Variants in GPC5 observed in about 807,000 individuals in gnomAD.
GPC5 encodes the protein glypican-5.
Under a neutral mutation model 53.9 loss-of-function variants are expected in GPC5, and 47 were observed. That is an observed-to-expected ratio of 0.87 (90% CI 0.69 to 1.11). GPC5 has a LOEUF of 1.11. GPC5 is among the 50% of genes most tolerant of loss of function. The pLI is 0.00. For synonymous variants in GPC5, 286 were observed against 263.3 expected (o/e 1.09, Z -0.84); for missense variants, 748 against 713.1 (o/e 1.05, Z -0.56).
intron 2 of GPC5, among the ~76,000 whole-genome samples, chr13:91,594,240 A>G (rs1189704259): frequency 6.6e-6 from 1 of 152,208 alleles, no homozygotes; most frequent in Non-Finnish European, 1.5e-5. Context: ...TATGACCTCA[A>G]TGTCTGGACA....
At position 91,830,873 on chromosome 13, in the gene GPC5, ATATC is replaced by A. The variant is rs1203987403; in HGVS notation, c.1280+74454_1280+74457del. Among the ~76,000 whole-genome samples, 638 of 135,976 alleles carry A rather than the reference ATATC, an allele frequency of 4.7e-3. 6 individuals are homozygous for A. Among genetic ancestry groups the A allele is most frequent in the African/African-American group, 0.017 (608 of 36,140 alleles). 89.2% of individuals were successfully genotyped at this position (135,976 alleles called of 152,430 possible). A position where few individuals can be genotyped will look rare whatever the true frequency, so the allele number is the denominator to read the frequency against. On this transcript the variant is annotated intron_variant, in intron 5 of 7. Coordinates refer to ENST00000377067, the MANE Select transcript of GPC5 (RefSeq NM_004466.6). ...ATATATATCCTATTATATATAATAT[ATATC>A]CTATTATATATAATATATATATCCT...
At chr13:92,252,229 A>G (rs2042697407) in intron 7 of GPC5, among the ~76,000 whole-genome samples, 1 of 152,090 alleles carries the variant, frequency 6.6e-6, no homozygotes, top group Non-Finnish European at 1.5e-5. Flanking sequence ...TAAACTTTTG[A>G]AGATTATGTT....
intron 2 of GPC5, among the ~76,000 whole-genome samples, chr13:91,664,786 A>G (rs568515356): frequency 5.3e-5 from 8 of 152,322 alleles, no homozygotes; most frequent in African/African-American, 1.9e-4. Flanking sequence ...ACATTAGCTC[A>G]CTATCCAAAG....
intron 2 of GPC5, among the ~76,000 whole-genome samples, chr13:91,687,107 G>A (rs2035639573): frequency 6.6e-6 from 1 of 151,830 alleles, no homozygotes; most frequent in Non-Finnish European, 1.5e-5. Context: ...TAAAATATAA[G>A]TACATGTCAT....
chr13:91,797,388 T>A (rs2038063522), intron 5 of GPC5, among the ~76,000 whole-genome samples: 1 of 152,156 alleles, frequency 6.6e-6, no homozygotes, highest in African/African-American at 2.4e-5. Context: ...AAAAAAATTT[T>A]AAAAATTAAT....
chr13:92,522,163 G>C (rs1368695165), intron 7 of GPC5, among the ~76,000 whole-genome samples: 1 of 152,266 alleles, frequency 6.6e-6, no homozygotes, highest in Non-Finnish European at 1.5e-5. Flanking sequence ...CTTTTATACT[G>C]TTGGTGGGAC....
chr13:91,597,942 A>G (rs1159222273), intron 2 of GPC5, among the ~76,000 whole-genome samples: 1 of 152,042 alleles, frequency 6.6e-6, no homozygotes, highest in East Asian at 1.9e-4. Context: ...TTAGCAGAAA[A>G]AGCGGATGCT....
At chr13:92,224,646 G>T (rs2042471872) in intron 7 of GPC5, among the ~76,000 whole-genome samples, 2 of 152,148 alleles carry the variant, frequency 1.3e-5, no homozygotes, top group South Asian at 4.1e-4. Flanking sequence ...CAGATAGTCT[G>T]GAATTTGGGT....
At chr13:91,501,529 A>T (rs1884636784) in intron 2 of GPC5, among the ~76,000 whole-genome samples, 1 of 152,112 alleles carries the variant, frequency 6.6e-6, no homozygotes, top group Non-Finnish European at 1.5e-5. Flanking sequence ...GTTTGCTAAG[A>T]ATGATGGTTT....
intron 2 of GPC5, among the ~76,000 whole-genome samples, chr13:91,581,989 G>C (rs1419551496): frequency 6.6e-6 from 1 of 152,146 alleles, no homozygotes; most frequent in Admixed American, 6.5e-5. Context: ...TGAAACCCAG[G>C]ATGCTAAATT....
intron 4 of GPC5, among the ~76,000 whole-genome samples, chr13:91,729,657 G>A (rs943788199): frequency 7.9e-5 from 12 of 152,060 alleles, no homozygotes; most frequent in African/African-American, 2.4e-4. Flanking sequence ...CAGCTAAAAA[G>A]AATTAGCATT....
chr13:92,591,755 C>A (rs1415827644), intron 7 of GPC5, among the ~76,000 whole-genome samples: 2 of 152,090 alleles, frequency 1.3e-5, no homozygotes, highest in African/African-American at 2.4e-5. Flanking sequence ...CCCCACCCCC[C>A]AACCACCCTA....
At chr13:92,357,406 A>C (rs2043531436) in intron 7 of GPC5, among the ~76,000 whole-genome samples, 1 of 151,628 alleles carries the variant, frequency 6.6e-6, no homozygotes, top group African/African-American at 2.4e-5. Flanking sequence ...AAGAATAGCC[A>C]TTGTCACTTG....
At chr13:92,721,741 G>A (rs1483762345) in intron 7 of GPC5, 1 of 152,014 alleles carries the variant, frequency 6.6e-6, no homozygotes, top group Admixed American at 6.6e-5. Context: ...CCAGTGTGAT[G>A]GATTAAGCAA....
intron 5 of GPC5, among the ~76,000 whole-genome samples, chr13:91,838,469 AG>A (rs919165009): frequency 6.6e-6 from 1 of 152,044 alleles, no homozygotes; most frequent in Non-Finnish European, 1.5e-5. Flanking sequence ...TGTTTTTAAG[AG>A]GAGAAATATT....
At chr13:91,966,456 G>C (rs887087390) in intron 6 of GPC5, among the ~76,000 whole-genome samples, 1 of 152,080 alleles carries the variant, frequency 6.6e-6, no homozygotes, top group African/African-American at 2.4e-5. Flanking sequence ...AAATTGCTTC[G>C]TAGTAAAATA....
At chr13:92,628,362 GC>G (rs1483301322) in intron 7 of GPC5, among the ~76,000 whole-genome samples, 3 of 131,202 alleles carry the variant, frequency 2.3e-5, no homozygotes, top group African/African-American at 8.2e-5. Flanking sequence ...TGCAACCTCC[GC>G]CTCCCGGGCT....
At chr13:92,158,400 T>A (rs1396012331) in intron 7 of GPC5, among the ~76,000 whole-genome samples, 1 of 152,006 alleles carries the variant, frequency 6.6e-6, no homozygotes, top group Non-Finnish European at 1.5e-5. Context: ...GCCCAAATAA[T>A]ACAAGAAGTT....
At chr13:92,094,403 C>G (rs1167837134) in intron 6 of GPC5, among the ~76,000 whole-genome samples, 1 of 151,280 alleles carries the variant, frequency 6.6e-6, no homozygotes, top group Admixed American at 6.6e-5. Context: ...ACCTGTAGTC[C>G]CAGCTACTCA....
Sources: gnomAD v4.1 joint callset for allele counts (sites outside exome capture counted in the v4.1 genomes callset) on GRCh38, gnomAD v4.1.1 for gene constraint, MANE v1.5 for transcripts, NCBI Gene and HGNC (gene_info 2026-07-23, HGNC 2026-07-21) for gene names.